The following PCDHGA3 variants were observed in gnomAD, a reference collection of about 807,000 sequenced individuals.
PCDHGA3 encodes protocadherin gamma subfamily A, 3, also known as protocadherin gamma-A3.
A neutral mutation model predicts 58.5 loss-of-function variants in PCDHGA3; 40 were observed. The observed-to-expected ratio is 0.68, with a 90% CI of 0.53 to 0.89. The LOEUF (loss-of-function observed/expected upper bound fraction) is 0.89, where lower values mean the gene tolerates loss of function less well. PCDHGA3 is among the 40% of genes least tolerant of loss of function. The probability of loss-of-function intolerance (pLI) is 0.00; values close to 1 mark genes in which losing one functional copy is unlikely to be tolerated. For missense variants in PCDHGA3, 1,223 were observed against 1,195.9 expected (o/e 1.02, Z -0.33); for synonymous variants, 530 against 525.7 (o/e 1.01, Z -0.11).
At chr5:141,371,584 A>C in intron 1 of PCDHGA3, 1 of 1,613,962 alleles carries the variant, frequency 6.2e-7, no homozygotes, top group Non-Finnish European at 8.5e-7. Flanking sequence ...ATCGTTCAAG[A>C]TACCAAAAAC....
rs143317584 is a variant in PCDHGA3 at position 141,432,282 on chromosome 5, A to G, written c.2425-62525A>G. 5.0e-5 allele frequency: 81 copies of G among 1,613,850 alleles called. No homozygotes were observed. The African/African-American group carries it at 6.4e-4, about 13-fold the overall frequency. ...AGCCTATCGTCCTACGTGTCCATCAACTCCGACACTGGGGTACTGTATGCG... is the reference window on the plus strand; with the variant it reads ...AGCCTATCGTCCTACGTGTCCATCAGCTCCGACACTGGGGTACTGTATGCG... On this transcript the variant is annotated intron_variant, in intron 1 of 3. Transcript: ENST00000253812. This position sits in a 1 kb window ranked among gnomAD's most constrained non-coding sequence, Gnocchi z 6.0.
intron 1 of PCDHGA3, chr5:141,409,549 C>T: frequency 6.2e-7 from 1 of 1,614,004 alleles, no homozygotes; most frequent in Non-Finnish European, 8.5e-7. Context: ...ACGACAACGC[C>T]CCAGTTTTCG....
chr5:141,490,960 T>C lies in PCDHGA3; in HGVS notation c.2425-3847T>C. 1.9e-6 allele frequency: 3 copies of C among 1,613,794 alleles called. No homozygotes were observed. The highest frequency in any genetic ancestry group is 2.2e-5 in the South Asian group (2 of 91,030). On this transcript the variant is annotated intron_variant, in intron 1 of 3. Transcript: ENST00000253812. The surrounding 1 kb of genome is among the most constrained non-coding windows in gnomAD (Gnocchi z 5.4). ...GCACCCACGGCCAGACTGGGAACACTCAGCCCCCCAGCGTCTCCCTCGCTC... is the reference window on the plus strand; with the variant it reads ...GCACCCACGGCCAGACTGGGAACACCCAGCCCCCCAGCGTCTCCCTCGCTC...
In PCDHGA3 at chr5:141,423,272, T is replaced by C. The variant is rs372798900; in HGVS notation, c.2425-71535T>C. On this transcript the variant is annotated intron_variant, in intron 1 of 3. Coordinates refer to ENST00000253812, the MANE Select transcript of PCDHGA3 (RefSeq NM_018916.4). ...GCGGACCTCGGCAGCCTCGAGTCTC[T>C]GGCTAACTCTGAAACCTCAGACCTC... 36 of 1,613,586 alleles carry C rather than the reference T, an allele frequency of 2.2e-5. No individual in the cohort carries two copies. In the African/African-American group the frequency reaches 4.4e-4, roughly 20 times the overall value.
At chr5:141,500,509 G>A (rs1048476645) in intron 2 of PCDHGA3, among the ~76,000 whole-genome samples, 19 of 152,100 alleles carry the variant, frequency 1.2e-4, no homozygotes, top group South Asian at 4.2e-4. Context: ...GCGCCTGGCC[G>A]AGCTTCATTT....
intron 1 of PCDHGA3, among the ~76,000 whole-genome samples, chr5:141,465,041 C>T (rs2099095802): frequency 6.6e-6 from 1 of 151,856 alleles, no homozygotes; most frequent in Non-Finnish European, 1.5e-5. Flanking sequence ...CACAAATGAC[C>T]CTATATATTT....
At chr5:141,436,676 G>T (rs1019010328) in intron 1 of PCDHGA3, among the ~76,000 whole-genome samples, 1 of 152,238 alleles carries the variant, frequency 6.6e-6, no homozygotes, top group African/African-American at 2.4e-5. Flanking sequence ...ACCAAAAAAA[G>T]GATTTATATT....
intron 1 of PCDHGA3, chr5:141,392,918 G>T (rs1177755274): frequency 1.2e-6 from 2 of 1,613,794 alleles, no homozygotes; most frequent in African/African-American, 2.7e-5. Flanking sequence ...GCTACTCTGT[G>T]CCAGAAGAGA....
Position 141,510,968 on chromosome 5 carries a change from C to A in PCDHGA3, c.2594C>A (p.Thr865Asn). 1 of 1,614,150 alleles carries A rather than the reference C, an allele frequency of 6.2e-7. No individual in the cohort carries two copies. The highest frequency in any genetic ancestry group is 8.5e-7 in the Non-Finnish European group (1 of 1,180,014). The change falls in exon 4 of 4, where the codon ACC becomes AAC. Residue 865 changes from threonine (T) to asparagine (N), a missense_variant. Transcript: ENST00000253812. ...SASEAADGSS[T>N]LGGGAGTMGL... ...GCAGAAGCTGCTGATGGGAGCTCCA[C>A]CCTGGGAGGGGGTGCCGGCACCATG...
chr5:141,351,999 C>T lies in PCDHGA3; in HGVS notation c.2424+5542C>T, dbSNP rs1197010212. On this transcript the variant is annotated intron_variant, in intron 1 of 3. Coordinates refer to ENST00000253812, the MANE Select transcript of PCDHGA3 (RefSeq NM_018916.4). ...GATATGGTGCCACGCGCCGCAGAGC[C>T]CGGCTACCTGGTGACCAAGGTGGTG... is the stretch of plus-strand genomic sequence containing the variant. 1.9e-6 allele frequency: 3 copies of T among 1,610,840 alleles called. No homozygotes were observed. Among genetic ancestry groups the T allele is most frequent in the Non-Finnish European group, 2.5e-6 (3 of 1,179,442 alleles).
intron 1 of PCDHGA3, chr5:141,468,354 GA>G (rs910554966): frequency 7.0e-6 from 1 of 143,440 alleles, no homozygotes. Context: ...AAAAAAGAAA[GA>G]AAAAAGAAAT....
intron 1 of PCDHGA3, chr5:141,427,231 G>A (rs1561827383): frequency 2.2e-6 from 1 of 456,612 alleles, no homozygotes; most frequent in African/African-American, 2.0e-5. Flanking sequence ...TATACCATGA[G>A]AGTAGAAGCT....
At chr5:141,479,242 A>G (rs2099491093) in intron 1 of PCDHGA3, 1 of 152,320 alleles carries the variant, frequency 6.6e-6, no homozygotes, top group African/African-American at 2.4e-5. Context: ...AAACCCAAAG[A>G]TAACCATTTT....
intron 1 of PCDHGA3, chr5:141,371,832 G>T (rs765040359): frequency 6.2e-7 from 1 of 1,613,780 alleles, no homozygotes. Flanking sequence ...CTCGGATCCC[G>T]ACTTGGGACC....
chr5:141,383,197 G>C lies in PCDHGA3; in HGVS notation c.2424+36740G>C, dbSNP rs184479480. ...CCGGGAAGAGATCTGCGCTCAGAGTGCGCGGTGTCTGGTAAACTTTAACAT... is the reference window on the plus strand; with the variant it reads ...CCGGGAAGAGATCTGCGCTCAGAGTCCGCGGTGTCTGGTAAACTTTAACAT... On this transcript the variant is annotated intron_variant, in intron 1 of 3. Transcript: ENST00000253812. 7.4e-4 allele frequency: 1,202 copies of C among 1,614,034 alleles called. 10 individuals are homozygous for C. The African/African-American group carries it at 0.015, about 20-fold the overall frequency.
At chr5:141,350,781 A>T (rs1758557534) in intron 1 of PCDHGA3, 1 of 1,613,834 alleles carries the variant, frequency 6.2e-7, no homozygotes. Flanking sequence ...CCCAATCAAT[A>T]CTTCTCTCTG....
chr5:141,365,723 A>T, intron 1 of PCDHGA3: 1 of 1,613,726 alleles, frequency 6.2e-7, no homozygotes, highest in South Asian at 1.1e-5. Context: ...CACAGAAAAC[A>T]ATCCCAGAGG....
At chr5:141,464,312 C>T (rs2099081610) in intron 1 of PCDHGA3, among the ~76,000 whole-genome samples, 1 of 149,056 alleles carries the variant, frequency 6.7e-6, no homozygotes, top group South Asian at 2.1e-4. Flanking sequence ...GTGCACATAT[C>T]ATTATCTGTT....
chr5:141,375,994 G>A lies in PCDHGA3; in HGVS notation c.2424+29537G>A, dbSNP rs553803944. ...CGCGCGCCCTGCTGGACAGAGACGC[G>A]CTCAAGCAGAGCCTAGTGGTGGCCG... On this transcript the variant is annotated intron_variant, in intron 1 of 3. Coordinates refer to ENST00000253812, the MANE Select transcript of PCDHGA3 (RefSeq NM_018916.4). The A allele has an allele frequency of 2.5e-6, 4 of 1,613,410 alleles. No individual in the cohort carries two copies. The South Asian group carries it at 3.3e-5, about 13-fold the overall frequency.
Sources: allele counts gnomAD v4.1 joint callset (sites outside exome capture counted in the v4.1 genomes callset), GRCh38; gene constraint gnomAD v4.1.1; non-coding constraint Gnocchi (gnomAD v3.1); transcripts MANE v1.5; gene names NCBI Gene and HGNC (gene_info 2026-07-23, HGNC 2026-07-21).